The following SMIM36 variants were observed in gnomAD, a reference collection of about 807,000 sequenced individuals.
SMIM36 encodes small integral membrane protein 36.
the SMIM36 span, among the ~76,000 whole-genome samples, chr17:55,523,575 C>T: frequency 6.6e-6 from 1 of 151,482 alleles, no homozygotes; most frequent in African/African-American, 2.4e-5. Flanking sequence ...AAGGAAGCAG[C>T]TATAGACAAG....
At chr17:55,528,667 A>G in the SMIM36 span, among the ~76,000 whole-genome samples, 1 of 149,884 alleles carries the variant, frequency 6.7e-6, no homozygotes, top group African/African-American at 2.5e-5. Context: ...GTTCTGCCTC[A>G]GCCTCCTGAG....
chr17:55,502,156 C>T lies in SMIM36; in HGVS notation c.*174+8723G>A, dbSNP rs577746305. 2.8e-4 allele frequency among the ~76,000 whole-genome samples: 42 copies of T among 149,730 alleles called. 1 individual carries two copies. In the South Asian group the frequency reaches 4.9e-3, roughly 18 times the overall value. ...GCAGCGAGGCTGGGGGAGGGGCGCCCGCCATTGCCCAGGCTTGCTTAGGTA... is the reference window on the plus strand; with the variant it reads ...GCAGCGAGGCTGGGGGAGGGGCGCCTGCCATTGCCCAGGCTTGCTTAGGTA... On this transcript the variant is annotated intron_variant, in intron 1 of 4. Coordinates refer to ENST00000636752, the Ensembl canonical transcript of SMIM36.
At chr17:55,465,222 GTAA>G (rs1909216083) in intron 4 of SMIM36, among the ~76,000 whole-genome samples, 1 of 152,200 alleles carries the variant, frequency 6.6e-6, no homozygotes, top group South Asian at 2.1e-4. Flanking sequence ...ACAGTAAAGT[GTAA>G]TAATATCATT....
chr17:55,527,470 G>A, the SMIM36 span, among the ~76,000 whole-genome samples: 22 of 152,158 alleles, frequency 1.4e-4, no homozygotes, highest in Admixed American at 1.2e-3. Flanking sequence ...TGATCAGGTC[G>A]CTAGGCCTGT....
intron 3 of SMIM36, among the ~76,000 whole-genome samples, 198 bp downstream of exon 3, chr17:55,478,564 A>G (rs1444686703): frequency 1.3e-5 from 2 of 152,144 alleles, no homozygotes; most frequent in Non-Finnish European, 2.9e-5. Context: ...TAGATCTCCA[A>G]CCATCTGGTA....
At chr17:55,486,671 C>T (rs569805870) in intron 1 of SMIM36, among the ~76,000 whole-genome samples, 3 of 152,236 alleles carry the variant, frequency 2.0e-5, no homozygotes, top group East Asian at 1.9e-4. Context: ...TACCCATAAG[C>T]GTGCATCGTG....
At chr17:55,498,891 G>T (rs1247142680) in intron 1 of SMIM36, among the ~76,000 whole-genome samples, 1 of 150,070 alleles carries the variant, frequency 6.7e-6, no homozygotes, top group African/African-American at 2.5e-5. Flanking sequence ...CCCAGTTAAT[G>T]GGGAGACTGA....
intron 3 of SMIM36, among the ~76,000 whole-genome samples, chr17:55,473,558 G>A (rs1332470661): frequency 1.3e-5 from 2 of 152,026 alleles, no homozygotes; most frequent in East Asian, 3.9e-4. Context: ...GGTATTCAGT[G>A]GAACCTTCCT....
At chr17:55,489,867 T>TTTTC (rs60304495) in intron 1 of SMIM36, among the ~76,000 whole-genome samples, 68 of 151,614 alleles carry the variant, frequency 4.5e-4, no homozygotes, top group African/African-American at 1.1e-3. Context: ...TTTGTTTTTT[T>TTTTC]TTACAGAATC....
At chr17:55,498,479 T>G (rs73322010) in intron 1 of SMIM36, among the ~76,000 whole-genome samples, 127 of 152,300 alleles carry the variant, frequency 8.3e-4, no homozygotes, top group African/African-American at 2.9e-3. Context: ...CTACTTATTT[T>G]CATCTTATTT....
chr17:55,457,327 C>A (rs759256660), intron 4 of SMIM36, among the ~76,000 whole-genome samples: 2 of 150,860 alleles, frequency 1.3e-5, no homozygotes, highest in Non-Finnish European at 3.0e-5. Flanking sequence ...GGTGTGCACC[C>A]GTAGTCCTAG....
At chr17:55,501,995 C>A (rs988812139) in intron 1 of SMIM36, among the ~76,000 whole-genome samples, 1 of 150,948 alleles carries the variant, frequency 6.6e-6, no homozygotes, top group East Asian at 2.0e-4. Flanking sequence ...CACTCCCACC[C>A]GAATATTGCG....
chr17:55,458,881 G>A (rs927945006), intron 4 of SMIM36, among the ~76,000 whole-genome samples: 3 of 152,148 alleles, frequency 2.0e-5, no homozygotes, highest in African/African-American at 7.2e-5. Flanking sequence ...GCCCACGTGT[G>A]ATTTGCTTCT....
chr17:55,531,618 G>A, the SMIM36 span, among the ~76,000 whole-genome samples: 2 of 152,176 alleles, frequency 1.3e-5, no homozygotes, highest in African/African-American at 2.4e-5. Flanking sequence ...CTGACGTACC[G>A]AAAGAAATCA....
chr17:55,520,237 T>C, the SMIM36 span, among the ~76,000 whole-genome samples: 1 of 152,212 alleles, frequency 6.6e-6, no homozygotes. Flanking sequence ...TGTGATGGCA[T>C]TTTGAGCCCA....
chr17:55,457,525 A>T (rs1014334510), intron 4 of SMIM36, among the ~76,000 whole-genome samples: 57 of 148,676 alleles, frequency 3.8e-4, no homozygotes, highest in African/African-American at 1.3e-3. Context: ...AATTTTTTTT[A>T]TTTTTATTTT....
chr17:55,476,748 A>G (rs984296226), intron 3 of SMIM36, among the ~76,000 whole-genome samples: 2 of 151,976 alleles, frequency 1.3e-5, no homozygotes, highest in South Asian at 2.1e-4. Context: ...GGTATTTTTA[A>G]TAGAGACGGG....
chr17:55,532,132 T>C, the SMIM36 span, among the ~76,000 whole-genome samples: 1 of 152,254 alleles, frequency 6.6e-6, no homozygotes. Flanking sequence ...ATTTCTGCTG[T>C]TAACTTTCTT....
At chr17:55,486,040 C>CTTT (rs11356976) in intron 1 of SMIM36, among the ~76,000 whole-genome samples, 1 of 135,662 alleles carries the variant, frequency 7.4e-6, no homozygotes, top group Non-Finnish European at 1.6e-5. Context: ...TTCCTTTATT[C>CTTT]TTTTTTTTTT....
Sources: gnomAD v4.1 joint callset for allele counts (sites outside exome capture counted in the v4.1 genomes callset) on GRCh38, gnomAD v4.1.1 for gene constraint, MANE v1.5 for transcripts, NCBI Gene and HGNC (gene_info 2026-07-23, HGNC 2026-07-21) for gene names.